Variants in DPP10 observed in about 807,000 individuals in gnomAD.
DPP10 encodes the protein dipeptidyl peptidase like 10.
DPP10 carries 33 observed loss-of-function variants against 120.9 expected under a neutral mutation model. That is an observed-to-expected ratio of 0.27 (90% CI 0.21 to 0.37). DPP10 has a LOEUF of 0.37. Among genes scored for constraint, DPP10 ranks in the 10% least tolerant of loss-of-function variants. The pLI is 1.00. For missense variants in DPP10, 816 were observed against 942.8 expected (o/e 0.87, Z 1.76); for synonymous variants, 337 against 326.1 (o/e 1.03, Z -0.36).
intron 1 of DPP10, among the ~76,000 whole-genome samples, chr2:115,090,320 T>A (rs999568512): frequency 6.6e-6 from 1 of 152,286 alleles, no homozygotes; most frequent in East Asian, 1.9e-4. Flanking sequence ...CCCTGGGTAT[T>A]CTTCTGGTTT....
At chr2:115,603,824 G>A (rs1210840128) in intron 5 of DPP10, among the ~76,000 whole-genome samples, 2 of 152,074 alleles carry the variant, frequency 1.3e-5, no homozygotes, top group African/African-American at 4.8e-5. Context: ...AAATATTTAT[G>A]AGATGATTTT....
chr2:115,567,335 C>T (rs1349162137), intron 5 of DPP10, among the ~76,000 whole-genome samples: 1 of 151,998 alleles, frequency 6.6e-6, no homozygotes, highest in African/African-American at 2.4e-5. Flanking sequence ...CAATTCTCAC[C>T]CTCTCCTTAC....
chr2:115,475,432 A>C (rs1476655893), intron 3 of DPP10, among the ~76,000 whole-genome samples: 1 of 152,234 alleles, frequency 6.6e-6, no homozygotes, highest in East Asian at 1.9e-4. Flanking sequence ...CAGAGAATGT[A>C]TGGAAAAGCC....
intron 1 of DPP10, among the ~76,000 whole-genome samples, chr2:114,927,561 C>A (rs1219817065): frequency 6.6e-6 from 1 of 152,096 alleles, no homozygotes; most frequent in Non-Finnish European, 1.5e-5. Context: ...TCTCATAAGT[C>A]TTTCCAAAGA....
chr2:114,598,298 A>G (rs1043183944), intron 1 of DPP10, among the ~76,000 whole-genome samples: 1 of 151,890 alleles, frequency 6.6e-6, no homozygotes, highest in African/African-American at 2.4e-5. Context: ...AGGGAGGTGG[A>G]GATTTTTGAG....
chr2:115,222,666 C>A (rs1197974661), intron 1 of DPP10, among the ~76,000 whole-genome samples: 1 of 152,006 alleles, frequency 6.6e-6, no homozygotes, highest in Non-Finnish European at 1.5e-5. Flanking sequence ...ATACAGTAAT[C>A]TTTGACTATT....
intron 2 of DPP10, among the ~76,000 whole-genome samples, chr2:115,321,515 G>GTTTTTTTTTTTTTTTTTTTTGTTTT (rs35046366): frequency 3.3e-5 from 4 of 121,588 alleles, no homozygotes; most frequent in Non-Finnish European, 4.9e-5. Flanking sequence ...TTTTTTTAGT[G>GTTTTTTTTTTTTTTTTTTTTGTTTT]TTTTTTTTTT....
chr2:115,502,311 T>C (rs564680425), intron 4 of DPP10, among the ~76,000 whole-genome samples: 7 of 152,164 alleles, frequency 4.6e-5, no homozygotes, highest in Non-Finnish European at 2.9e-5. Flanking sequence ...GTTAAGGCAT[T>C]CTTTTGGATT....
intron 1 of DPP10, among the ~76,000 whole-genome samples, chr2:115,200,106 G>A (rs2055586830): frequency 6.6e-6 from 1 of 152,110 alleles, no homozygotes; most frequent in Non-Finnish European, 1.5e-5. Flanking sequence ...AGTGCTTTTT[G>A]TTCCCCCACA....
chr2:115,385,788 G>A (rs1017153707), intron 3 of DPP10, among the ~76,000 whole-genome samples: 1 of 152,108 alleles, frequency 6.6e-6, no homozygotes, highest in Non-Finnish European at 1.5e-5. Context: ...GAAAAATTTG[G>A]TAAGCTTTTA....
rs550205438 is a variant in DPP10 at position 114,952,200 on chromosome 2, T to C, written c.61-357039T>C. On this transcript the variant is annotated intron_variant, in intron 1 of 25. Coordinates refer to ENST00000410059, the MANE Select transcript of DPP10 (RefSeq NM_020868.6). ...AATGTGTATTGTGTATGATAAAGTT[T>C]CCATGCATAAGTTTACAAATACAAG... Among the ~76,000 whole-genome samples the C allele has an allele frequency of 7.2e-5, 11 of 152,088 alleles. No homozygotes were observed. In the South Asian group the frequency reaches 2.3e-3, roughly 32 times the overall value.
intron 1 of DPP10, among the ~76,000 whole-genome samples, chr2:115,133,682 T>C (rs2050501468): frequency 6.6e-6 from 1 of 152,132 alleles, no homozygotes; most frequent in African/African-American, 2.4e-5. Context: ...AAGTAAAGCT[T>C]TGCCTGCTTT....
chr2:114,732,775 T>A (rs1677042124), intron 1 of DPP10, among the ~76,000 whole-genome samples: 1 of 152,224 alleles, frequency 6.6e-6, no homozygotes, highest in East Asian at 1.9e-4. Flanking sequence ...TCTTACTATA[T>A]GCCAAGCATT....
intron 1 of DPP10, among the ~76,000 whole-genome samples, chr2:115,270,625 TG>T (rs1388648882): frequency 6.6e-6 from 1 of 152,010 alleles, no homozygotes; most frequent in East Asian, 1.9e-4. Context: ...AATGACCACG[TG>T]GGGAGAGGAA....
At chr2:115,577,183 G>A (rs866616487) in intron 5 of DPP10, among the ~76,000 whole-genome samples, 1 of 152,174 alleles carries the variant, frequency 6.6e-6, no homozygotes, top group Non-Finnish European at 1.5e-5. Context: ...GCTGCTCACT[G>A]ACTCCCAGGC....
intron 1 of DPP10, among the ~76,000 whole-genome samples, chr2:114,793,805 C>A (rs545463205): frequency 6.6e-6 from 1 of 152,160 alleles, no homozygotes; most frequent in African/African-American, 2.4e-5. Flanking sequence ...CCCTCATTCT[C>A]CCTCCCCTTG....
In DPP10 at chr2:114,442,701, A is replaced by G; in HGVS notation, c.-78A>G. ...CAGCAACAGCAGCAGCCCCTACTGA[A>G]GTCCAATAGAGGAGACTTGATCTCT... On this transcript the variant is annotated 5_prime_UTR_variant, in exon 1 of 26. Transcript: ENST00000410059. The G allele has an allele frequency of 6.5e-7, 1 of 1,547,916 alleles. No homozygotes were observed. The highest frequency in any genetic ancestry group is 1.7e-5 in the Admixed American group (1 of 57,402).
At chr2:114,633,099 T>A (rs1354440160) in intron 1 of DPP10, among the ~76,000 whole-genome samples, 1 of 151,078 alleles carries the variant, frequency 6.6e-6, no homozygotes, top group Non-Finnish European at 1.5e-5. Flanking sequence ...GCTATTGGGA[T>A]GTCATTGCTT....
At chr2:115,613,969 A>G (rs896455311) in intron 5 of DPP10, among the ~76,000 whole-genome samples, 2 of 152,192 alleles carry the variant, frequency 1.3e-5, no homozygotes, top group African/African-American at 4.8e-5. Flanking sequence ...TAGTATACTC[A>G]GTCCCTGATT....
Sources: allele counts gnomAD v4.1 joint callset (sites outside exome capture counted in the v4.1 genomes callset), GRCh38; gene constraint gnomAD v4.1.1; transcripts MANE v1.5; gene names NCBI Gene and HGNC (gene_info 2026-07-23, HGNC 2026-07-21).